The following RBFOX1 variants were observed in gnomAD, a reference collection of about 807,000 sequenced individuals.
RBFOX1 encodes the protein RNA binding protein fox-1 homolog 1.
RBFOX1 carries 8 observed loss-of-function variants against 57.7 expected under a neutral mutation model. The observed-to-expected ratio is 0.14, with a 90% CI of 0.08 to 0.25. The LOEUF is 0.25. RBFOX1 is among the 10% of genes least tolerant of loss of function. The pLI, the probability that RBFOX1 is intolerant of heterozygous loss-of-function variation, is 1.00. For missense variants in RBFOX1, 611 were observed against 548.5 expected, an observed-to-expected ratio of 1.11 and a Z score of -1.14; for synonymous variants, 326 against 222.4, an observed-to-expected ratio of 1.47 and a Z score of -4.15.
intron 4 of RBFOX1, among the ~76,000 whole-genome samples, chr16:7,227,955 G>A (rs901079815): frequency 4.6e-5 from 7 of 152,132 alleles, no homozygotes; most frequent in African/African-American, 1.4e-4. Flanking sequence ...CGGTGAGGAG[G>A]CCACCCTGTG....
At chr16:7,124,728 G>A (rs576580360) in intron 4 of RBFOX1, among the ~76,000 whole-genome samples, 2 of 151,920 alleles carry the variant, frequency 1.3e-5, no homozygotes, top group South Asian at 2.1e-4. Flanking sequence ...TATCACATAC[G>A]GAAAAGGTAG....
At chr16:6,278,579 T>A (rs1436071828) in intron 1 of RBFOX1, among the ~76,000 whole-genome samples, 1 of 152,092 alleles carries the variant, frequency 6.6e-6, no homozygotes, top group Non-Finnish European at 1.5e-5. Flanking sequence ...ATTTCTCTTT[T>A]GAGCTTTTTC....
chr16:6,367,082 C>T (rs2089744483), intron 2 of RBFOX1, among the ~76,000 whole-genome samples: 1 of 152,160 alleles, frequency 6.6e-6, no homozygotes, highest in Non-Finnish European at 1.5e-5. Context: ...CCTGCCTGAG[C>T]TTTGGAAGTG....
At chr16:7,351,642 A>C (rs1022329549) in intron 4 of RBFOX1, among the ~76,000 whole-genome samples, 1 of 152,162 alleles carries the variant, frequency 6.6e-6, no homozygotes, top group Non-Finnish European at 1.5e-5. Flanking sequence ...TTTTTCACCC[A>C]TTAGCTCACT....
chr16:5,569,091 C>A (rs911417128), intron 2 of RBFOX1, among the ~76,000 whole-genome samples: 1 of 151,734 alleles, frequency 6.6e-6, no homozygotes. Flanking sequence ...ACCTCATGAT[C>A]CGCCCGCCTT....
At chr16:6,569,775 T>G (rs2097318966) in intron 2 of RBFOX1, among the ~76,000 whole-genome samples, 1 of 152,066 alleles carries the variant, frequency 6.6e-6, no homozygotes, top group Non-Finnish European at 1.5e-5. Flanking sequence ...CCTTCCTGAG[T>G]GGTTGGCCAG....
chr16:6,890,501 A>G (rs1426811066), intron 3 of RBFOX1, among the ~76,000 whole-genome samples: 1 of 147,232 alleles, frequency 6.8e-6, no homozygotes, highest in Non-Finnish European at 1.5e-5. Context: ...CCTGGGCAAC[A>G]GAGCGAGACT....
chr16:5,779,636 C>T lies in RBFOX1; in HGVS notation c.319-87667C>T, dbSNP rs189230035. ...TAAGTAGCCTTCCCTCTTCATTCTC[C>T]TGGGCTCATTGTGGATTCTACTGGA... On this transcript the variant is annotated intron_variant, in intron 3 of 19. Transcript: ENST00000641259. Among the ~76,000 whole-genome samples, 19 of 152,238 alleles carry T rather than the reference C, an allele frequency of 1.2e-4. No homozygotes were observed. In the East Asian group the frequency reaches 3.5e-3, roughly 28 times the overall value.
At chr16:7,246,154 A>G (rs756844095) in intron 4 of RBFOX1, among the ~76,000 whole-genome samples, 4 of 152,180 alleles carry the variant, frequency 2.6e-5, no homozygotes, top group Non-Finnish European at 4.4e-5. Context: ...TGTTTTGTTC[A>G]AGTTTGCTGA....
At chr16:6,526,154 C>T (rs1319737061) in intron 2 of RBFOX1, among the ~76,000 whole-genome samples, 3 of 152,314 alleles carry the variant, frequency 2.0e-5, no homozygotes, top group South Asian at 2.1e-4. Context: ...CAATAAACAT[C>T]CACCTCACCA....
chr16:6,127,600 T>G (rs953757396), intron 1 of RBFOX1, among the ~76,000 whole-genome samples: 3 of 152,170 alleles, frequency 2.0e-5, no homozygotes, highest in Non-Finnish European at 2.9e-5. Flanking sequence ...ATGTGGGACC[T>G]TTTCAAATAA....
intron 3 of RBFOX1, among the ~76,000 whole-genome samples, chr16:6,940,392 C>G (rs73543263): frequency 0.082 from 12,466 of 152,156 alleles, 1,680 homozygotes; most frequent in African/African-American, 0.28. Context: ...ATTCCAGGAA[C>G]TTAACAATTC....
At chr16:6,809,041 T>G (rs1281132520) in intron 3 of RBFOX1, among the ~76,000 whole-genome samples, 1 of 152,168 alleles carries the variant, frequency 6.6e-6, no homozygotes, top group Non-Finnish European at 1.5e-5. Flanking sequence ...TAACAATAGT[T>G]GAGTCTTGGC....
intron 14 of RBFOX1, among the ~76,000 whole-genome samples, chr16:7,696,626 CAGG>C (rs1351906173): frequency 2.0e-5 from 3 of 152,002 alleles, no homozygotes; most frequent in Non-Finnish European, 2.9e-5. Context: ...TTAAATGAGT[CAGG>C]AGAAGGTCTC....
intron 4 of RBFOX1, among the ~76,000 whole-genome samples, chr16:5,895,994 A>T (rs908169905): frequency 2.7e-4 from 41 of 152,298 alleles, no homozygotes; most frequent in East Asian, 1.9e-4. Flanking sequence ...AAGTACGACA[A>T]ACTTGGTGTA....
intron 2 of RBFOX1, among the ~76,000 whole-genome samples, chr16:6,452,943 C>T (rs1157075009): frequency 6.6e-6 from 1 of 152,192 alleles, no homozygotes; most frequent in African/African-American, 2.4e-5. Flanking sequence ...AGTTCCTGTT[C>T]TCCATGCTTA....
In RBFOX1 at chr16:6,448,813, A is replaced by C. The variant is rs78140223; in HGVS notation, c.-64+131756A>C. The stretch of plus-strand genomic sequence containing the variant: ...ACCTTATCCTATTAAACATTTTCCA[A>C]ATGTAAGGTACATATGTAGCCACTA... On this transcript the variant is annotated intron_variant, in intron 2 of 15. Transcript: ENST00000550418. Among the ~76,000 whole-genome samples the C allele has an allele frequency of 5.3e-3, 809 of 152,278 alleles. 28 individuals carry two copies. In the East Asian group the frequency reaches 0.11, roughly 21 times the overall value.
At chr16:6,355,059 C>G (rs1403333090) in intron 2 of RBFOX1, among the ~76,000 whole-genome samples, 1 of 152,174 alleles carries the variant, frequency 6.6e-6, no homozygotes, top group Non-Finnish European at 1.5e-5. Flanking sequence ...ACTTAGCATC[C>G]TCATCTTGGT....
intron 1 of RBFOX1, among the ~76,000 whole-genome samples, chr16:5,384,574 G>A (rs867941213): frequency 1.3e-5 from 2 of 152,150 alleles, no homozygotes; most frequent in South Asian, 2.1e-4. Flanking sequence ...AGAAACAGAA[G>A]AAATTTGAAT....
Sources: gnomAD v4.1 joint callset for allele counts (sites outside exome capture counted in the v4.1 genomes callset) on GRCh38, gnomAD v4.1.1 for gene constraint, MANE v1.5 for transcripts, NCBI Gene and HGNC (gene_info 2026-07-23, HGNC 2026-07-21) for gene names.